CADM2: variants seen among roughly 807,000 people sequenced by gnomAD.
CADM2 encodes the protein immunoglobulin superfamily member 4D.
A neutral mutation model predicts 49.8 loss-of-function variants in CADM2; 12 were observed. That is an observed-to-expected ratio of 0.24 (90% CI 0.15 to 0.39). The LOEUF (loss-of-function observed/expected upper bound fraction) is 0.39, where lower values mean the gene tolerates loss of function less well. Among genes scored for constraint, CADM2 ranks in the 10% least tolerant of loss-of-function variants. CADM2 has a pLI of 1.00. For synonymous variants in CADM2, 214 were observed against 175.4 expected, an observed-to-expected ratio of 1.22 and a Z score of -1.74; for missense variants, 378 against 492.3, an observed-to-expected ratio of 0.77 and a Z score of 2.20.
At chr3:85,003,866 T>A (rs1033905408) in intron 1 of CADM2, among the ~76,000 whole-genome samples, 6 of 152,152 alleles carry the variant, frequency 3.9e-5, no homozygotes, top group Admixed American at 3.3e-4. Flanking sequence ...AATAGATGGT[T>A]TAATTTGCCT....
chr3:85,510,513 A>G (rs1221166661), intron 1 of CADM2, among the ~76,000 whole-genome samples: 3 of 152,060 alleles, frequency 2.0e-5, no homozygotes, highest in Non-Finnish European at 1.5e-5. Context: ...GTGACATTGC[A>G]GTTTATTGAA....
chr3:85,978,916 T>C (rs547625344), intron 8 of CADM2, among the ~76,000 whole-genome samples: 1 of 151,294 alleles, frequency 6.6e-6, no homozygotes, highest in Admixed American at 6.6e-5. Flanking sequence ...TTTTACATTT[T>C]ACTCTAAATA....
At chr3:85,554,656 G>T (rs183891601) in intron 1 of CADM2, among the ~76,000 whole-genome samples, 8 of 152,164 alleles carry the variant, frequency 5.3e-5, no homozygotes, top group Admixed American at 2.0e-4. Flanking sequence ...ATTGACCTGA[G>T]ATTATTTTAA....
At chr3:85,872,414 G>A (rs1381396168) in intron 3 of CADM2, among the ~76,000 whole-genome samples, 1 of 151,570 alleles carries the variant, frequency 6.6e-6, no homozygotes, top group African/African-American at 2.4e-5. Flanking sequence ...TTTCACATGT[G>A]TCTAATTTGA....
At chr3:85,546,584 A>G (rs1032701866) in intron 1 of CADM2, among the ~76,000 whole-genome samples, 12 of 152,214 alleles carry the variant, frequency 7.9e-5, no homozygotes, top group South Asian at 6.2e-4. Flanking sequence ...TAAATTATAT[A>G]TGATAAAATT....
intron 1 of CADM2, among the ~76,000 whole-genome samples, chr3:85,499,263 T>G (rs1482699933): frequency 6.6e-6 from 1 of 152,074 alleles, no homozygotes; most frequent in African/African-American, 2.4e-5. Context: ...GAAATCTGAA[T>G]TTTTCTTTAG....
chr3:85,803,768 ATCT>A (rs2072224015), intron 3 of CADM2, among the ~76,000 whole-genome samples: 2 of 152,100 alleles, frequency 1.3e-5, no homozygotes, highest in Non-Finnish European at 2.9e-5. Context: ...ATGGAGAATA[ATCT>A]GCTTTACTCA....
At chr3:85,875,590 CA>C (rs1224722843) in intron 3 of CADM2, among the ~76,000 whole-genome samples, 1 of 152,124 alleles carries the variant, frequency 6.6e-6, no homozygotes, top group Non-Finnish European at 1.5e-5. Flanking sequence ...ACTGAAGCTT[CA>C]AATCCTTGTC....
At chr3:84,992,765 C>T (rs2032965053) in intron 1 of CADM2, among the ~76,000 whole-genome samples, 1 of 152,096 alleles carries the variant, frequency 6.6e-6, no homozygotes, top group Non-Finnish European at 1.5e-5. Flanking sequence ...TATTATCAGA[C>T]CTGCAATTCA....
At chr3:85,353,991 G>A (rs2031602313) in intron 1 of CADM2, among the ~76,000 whole-genome samples, 1 of 151,764 alleles carries the variant, frequency 6.6e-6, no homozygotes, top group Non-Finnish European at 1.5e-5. Flanking sequence ...TTGAATCAAA[G>A]TACAAATATT....
At chr3:86,014,414 A>C (rs1416824713) in intron 8 of CADM2, 2 of 1,479,446 alleles carry the variant, frequency 1.4e-6, no homozygotes, top group East Asian at 4.7e-5. Context: ...AAGTGATGGA[A>C]AATATTGAAG....
intron 1 of CADM2, among the ~76,000 whole-genome samples, chr3:85,051,644 A>G (rs1385336185): frequency 1.3e-5 from 2 of 151,908 alleles, no homozygotes; most frequent in East Asian, 3.9e-4. Context: ...CCCAGAAATA[A>G]CTCCTAGCCT....
At chr3:85,156,896 A>T (rs2040144665) in intron 1 of CADM2, among the ~76,000 whole-genome samples, 1 of 152,154 alleles carries the variant, frequency 6.6e-6, no homozygotes, top group Admixed American at 6.5e-5. Context: ...AGGAAGTCAA[A>T]TTGTCCCTGT....
intron 1 of CADM2, among the ~76,000 whole-genome samples, chr3:85,424,375 T>C (rs886466897): frequency 6.6e-6 from 1 of 151,716 alleles, no homozygotes. Context: ...TATTTCTTAA[T>C]TACAAAGAAA....
intron 1 of CADM2, among the ~76,000 whole-genome samples, chr3:85,247,571 A>T (rs1295320355): frequency 6.6e-6 from 1 of 152,174 alleles, no homozygotes; most frequent in Non-Finnish European, 1.5e-5. Flanking sequence ...AGGTAAAGAT[A>T]TATTTCTATA....
chr3:85,441,144 A>C (rs2037184084), intron 1 of CADM2, among the ~76,000 whole-genome samples: 1 of 151,932 alleles, frequency 6.6e-6, no homozygotes, highest in Non-Finnish European at 1.5e-5. Context: ...CAGTGTTTTC[A>C]TGCCTGGATT....
At chr3:85,086,870 A>C (rs915373356) in intron 1 of CADM2, among the ~76,000 whole-genome samples, 2 of 152,154 alleles carry the variant, frequency 1.3e-5, no homozygotes, top group Non-Finnish European at 2.9e-5. Context: ...GATATTTATT[A>C]GCACTTTATA....
At position 85,590,432 on chromosome 3, in the gene CADM2, A is replaced by C. The variant is rs184392397; in HGVS notation, c.62-136090A>C. 3.1e-3 allele frequency among the ~76,000 whole-genome samples: 479 copies of C among 152,128 alleles called. 5 individuals carry two copies. Among genetic ancestry groups the C allele is most frequent in the Admixed American group, 7.3e-3 (111 of 15,246 alleles). ...CAAACTTTTAGACTGAAAGCAAAAA[A>C]ATCATTAGGACAGGTAAATGCACTA... On this transcript the variant is annotated intron_variant, in intron 1 of 9. Coordinates refer to ENST00000383699, the MANE Select transcript of CADM2 (RefSeq NM_001167675.2).
chr3:86,044,344 T>G (rs1395008321), intron 8 of CADM2, among the ~76,000 whole-genome samples: 2 of 151,976 alleles, frequency 1.3e-5, no homozygotes, highest in African/African-American at 4.8e-5. Context: ...GAATCTACAA[T>G]GAACTCAAAC....
Sources: gnomAD v4.1 joint callset for allele counts (sites outside exome capture counted in the v4.1 genomes callset) on GRCh38, gnomAD v4.1.1 for gene constraint, MANE v1.5 for transcripts, NCBI Gene and HGNC (gene_info 2026-07-23, HGNC 2026-07-21) for gene names.